HHIPL1: variants seen among roughly 807,000 people sequenced by gnomAD.
HHIPL1 encodes HHIP-like protein 1.
Under a neutral mutation model 61.8 loss-of-function variants are expected in HHIPL1, and 43 were observed. That is an observed-to-expected ratio of 0.70 (90% CI 0.55 to 0.90). The LOEUF (loss-of-function observed/expected upper bound fraction) is 0.90, where lower values mean the gene tolerates loss of function less well. HHIPL1 is among the 40% of genes least tolerant of loss of function. HHIPL1 has a pLI of 0.00. For synonymous variants in HHIPL1, 482 were observed against 515.8 expected (o/e 0.93, Z 0.89); for missense variants, 1,056 against 1,157.7 (o/e 0.91, Z 1.28).
the HHIPL1 span, among the ~76,000 whole-genome samples, chr14:99,605,720 G>T: frequency 2.0e-5 from 3 of 152,232 alleles, no homozygotes; most frequent in Non-Finnish European, 4.4e-5. Flanking sequence ...AGCATAATCA[G>T]TTGCTTTAGA....
At chr14:99,632,629 C>T in the HHIPL1 span, among the ~76,000 whole-genome samples, 36 of 152,260 alleles carry the variant, frequency 2.4e-4, no homozygotes, top group Non-Finnish European at 3.2e-4. Context: ...ACCACAGTGG[C>T]GTTTGGGTGA....
At chr14:99,614,619 G>A in the HHIPL1 span, among the ~76,000 whole-genome samples, 1 of 152,154 alleles carries the variant, frequency 6.6e-6, no homozygotes, top group East Asian at 1.9e-4. Flanking sequence ...GCTACATGAG[G>A]CACTTGTTTG....
chr14:99,657,870 TACAC>T (rs1198883988), intron 3 of HHIPL1, among the ~76,000 whole-genome samples: 2 of 150,882 alleles, frequency 1.3e-5, no homozygotes, highest in Non-Finnish European at 3.0e-5. Flanking sequence ...CACACACATA[TACAC>T]ACACATCCAC....
At chr14:99,665,308 G>A (rs888677215) in intron 6 of HHIPL1, among the ~76,000 whole-genome samples, 7 of 152,170 alleles carry the variant, frequency 4.6e-5, no homozygotes, top group Admixed American at 2.0e-4. Flanking sequence ...TGATTGAGTG[G>A]GGAGGGCCAG....
chr14:99,641,101 GGTCTCCAACTC>G (rs2055745440), upstream of HHIPL1, among the ~76,000 whole-genome samples: 1 of 151,688 alleles, frequency 6.6e-6, no homozygotes, highest in Non-Finnish European at 1.5e-5. Context: ...TGGCCAGGCT[GGTCTCCAACTC>G]CTGACCTCAG....
At chr14:99,651,109 C>T (rs1409079549) in intron 1 of HHIPL1, among the ~76,000 whole-genome samples, 2 of 152,014 alleles carry the variant, frequency 1.3e-5, no homozygotes, top group African/African-American at 4.8e-5. Flanking sequence ...ATTAGCTAGG[C>T]GTGGTGGCTC....
intron 7 of HHIPL1, among the ~76,000 whole-genome samples, chr14:99,671,305 T>C (rs144838221): frequency 6.6e-6 from 1 of 152,316 alleles, no homozygotes; most frequent in African/African-American, 2.4e-5. Context: ...TTTAATGCAA[T>C]TTCCTTAAGG....
At chr14:99,634,042 C>T in the HHIPL1 span, among the ~76,000 whole-genome samples, 13 of 152,262 alleles carry the variant, frequency 8.5e-5, no homozygotes, top group East Asian at 2.3e-3. Context: ...TCACCAGACT[C>T]GGTGGTGAGG....
the HHIPL1 span, among the ~76,000 whole-genome samples, chr14:99,612,653 T>C: frequency 5.9e-5 from 9 of 152,206 alleles, no homozygotes; most frequent in African/African-American, 2.4e-5. Context: ...TGCACCACTG[T>C]GCTGGGAGTG....
chr14:99,648,314 A>G (rs1001190460), intron 1 of HHIPL1, among the ~76,000 whole-genome samples: 6 of 152,106 alleles, frequency 3.9e-5, no homozygotes, highest in Non-Finnish European at 8.8e-5. Context: ...CAACAACTCT[A>G]TGAGGTTGGA....
rs1177610465 is a variant in HHIPL1, at chr14:99,668,972, T to A, written c.1730+669T>A. 2.5e-6 allele frequency: 4 copies of A among 1,578,610 alleles called. No individual in the cohort carries two copies. Among genetic ancestry groups the A allele is most frequent in the Non-Finnish European group, 3.5e-6 (4 of 1,159,170 alleles). On this transcript the variant is annotated intron_variant, in intron 7 of 8. Coordinates refer to ENST00000330710, the MANE Select transcript of HHIPL1 (RefSeq NM_001127258.3). The surrounding 1 kb of genome is among the most constrained non-coding windows in gnomAD (Gnocchi z 4.7). ...ATGGGCCTGGGGCCCAGGGCCAGGG[T>A]GGGGCCCAGGCCACTGGCTCCAGAG...
chr14:99,648,181 A>G (rs1048153694), intron 1 of HHIPL1, among the ~76,000 whole-genome samples: 4 of 152,232 alleles, frequency 2.6e-5, no homozygotes, highest in Admixed American at 2.0e-4. Flanking sequence ...AGGTGCCAGA[A>G]ATTCCTCAAG....
the HHIPL1 span, among the ~76,000 whole-genome samples, chr14:99,637,424 C>T: frequency 1.7e-4 from 26 of 151,872 alleles, no homozygotes; most frequent in African/African-American, 6.3e-4. Flanking sequence ...ATAACATAAT[C>T]AGCTGGGCGT....
intron 1 of HHIPL1, among the ~76,000 whole-genome samples, chr14:99,651,693 G>C (rs1220327813): frequency 6.6e-6 from 1 of 152,198 alleles, no homozygotes; most frequent in Non-Finnish European, 1.5e-5. Flanking sequence ...AGGTAGACAG[G>C]AGGCTGGAGA....
chr14:99,659,416 C>T lies in HHIPL1; in HGVS notation c.1047-12C>T, dbSNP rs2056103560. 4 of 1,425,428 alleles carry T rather than the reference C, an allele frequency of 2.8e-6. No individual in the cohort carries two copies. Among genetic ancestry groups the T allele is most frequent in the Non-Finnish European group, 2.7e-6 (3 of 1,092,740 alleles). 88.3% of individuals were successfully genotyped at this position (1,425,428 alleles called of 1,614,324 possible). ...CGACCCCGAGCCGCGCCCTCTCCCA[C>T]CCCGCCCGCAGGTCGGCGCTGCTGG... On this transcript the variant is annotated splice_polypyrimidine_tract_variant and intron_variant, in intron 3 of 8. Transcript: ENST00000330710.
intron 1 of HHIPL1, 132 bp downstream of exon 1, chr14:99,645,594 T>G: frequency 1.0e-6 from 1 of 999,824 alleles, no homozygotes; most frequent in Non-Finnish European, 1.3e-6. Context: ...CAACAGGGAG[T>G]CATTTGGCAC....
rs2056135579 is a variant in HHIPL1, at chr14:99,660,531, G to T, written c.1502+125G>T. On this transcript the variant is annotated intron_variant, in intron 5 of 8. Transcript: ENST00000330710. This position sits in a 1 kb window ranked among gnomAD's most constrained non-coding sequence, Gnocchi z 4.9. ...CATGTGCCTCGCTGCTCTGACAGGG[G>T]CCCCTAGGTGTGGGCCGGACACCCG... 1.6e-6 allele frequency: 2 copies of T among 1,259,740 alleles called. No homozygotes were observed. The highest frequency in any genetic ancestry group is 2.2e-6 in the Non-Finnish European group (2 of 903,484). 78.0% of individuals were successfully genotyped at this position (1,259,740 alleles called of 1,614,324 possible). A position where few individuals can be genotyped will look rare whatever the true frequency, so the allele number is the denominator to read the frequency against.
At chr14:99,656,529 A>G (rs1251775304) in intron 2 of HHIPL1, among the ~76,000 whole-genome samples, 1 of 152,078 alleles carries the variant, frequency 6.6e-6, no homozygotes, top group Non-Finnish European at 1.5e-5. Flanking sequence ...TAATCACAGC[A>G]CTTTGGGAAG....
Position 99,651,819 on chromosome 14 carries a change from G to A in HHIPL1, c.256-405G>A, listed in dbSNP as rs184451189. 2.1e-3 allele frequency among the ~76,000 whole-genome samples: 325 copies of A among 152,260 alleles called. 3 individuals are homozygous for A. Among genetic ancestry groups the A allele is most frequent in the Non-Finnish European group, 5.3e-4 (36 of 68,026 alleles). On this transcript the variant is annotated intron_variant, in intron 1 of 8. Coordinates refer to ENST00000330710, the MANE Select transcript of HHIPL1 (RefSeq NM_001127258.3). Reference sequence around the variant, plus strand: ...GAGGCCGGAAGGTACTAGAGGGTGCGGACGGGGTGGTCAGGGAGGATCGGA... The same window carrying A: ...GAGGCCGGAAGGTACTAGAGGGTGCAGACGGGGTGGTCAGGGAGGATCGGA...
Sources: gnomAD v4.1 joint callset for allele counts (sites outside exome capture counted in the v4.1 genomes callset) on GRCh38, gnomAD v4.1.1 for gene constraint, Gnocchi (gnomAD v3.1) non-coding constraint, MANE v1.5 for transcripts, NCBI Gene and HGNC (gene_info 2026-07-23, HGNC 2026-07-21) for gene names.